EPB41L2: variants seen among roughly 807,000 people sequenced by gnomAD.
EPB41L2 encodes the protein erythrocyte membrane protein band 4.1 like 2.
In EPB41L2, 43 loss-of-function variants were observed where a neutral mutation model predicts 113.0. That is an observed-to-expected ratio of 0.38 (90% CI 0.30 to 0.49). The LOEUF is 0.49. Among genes scored for constraint, EPB41L2 ranks in the 20% least tolerant of loss-of-function variants. The pLI, the probability that EPB41L2 is intolerant of heterozygous loss-of-function variation, is 0.95. For synonymous variants in EPB41L2, 442 were observed against 436.7 expected (o/e 1.01, Z -0.15); for missense variants, 1,147 against 1,223.4 (o/e 0.94, Z 0.93).
chr6:131,043,349 T>C (rs1794802387), intron 1 of EPB41L2, among the ~76,000 whole-genome samples: 1 of 151,994 alleles, frequency 6.6e-6, no homozygotes, highest in South Asian at 2.1e-4. Flanking sequence ...CATCCTTACA[T>C]TTAGTATTTA....
At chr6:130,997,444 A>AG (rs149027873) in intron 1 of EPB41L2, among the ~76,000 whole-genome samples, 1,750 of 152,274 alleles carry the variant, frequency 0.011, 41 homozygotes, top group African/African-American at 0.041. Context: ...ATCTAAGTGC[A>AG]GGGGGGATCT....
At chr6:131,003,666 T>G (rs1221367399) in intron 1 of EPB41L2, among the ~76,000 whole-genome samples, 1 of 152,228 alleles carries the variant, frequency 6.6e-6, no homozygotes, top group Non-Finnish European at 1.5e-5. Context: ...TCTGGAACTG[T>G]ATGGTTTTCA....
chr6:131,035,649 ATT>A (rs1260143428), intron 1 of EPB41L2, among the ~76,000 whole-genome samples: 13 of 152,342 alleles, frequency 8.5e-5, no homozygotes, highest in African/African-American at 3.1e-4. Context: ...AATACAGGGT[ATT>A]GAGTCCAGTT....
intron 14 of EPB41L2, among the ~76,000 whole-genome samples, chr6:130,875,105 T>C (rs1476483514): frequency 6.6e-6 from 1 of 152,232 alleles, no homozygotes; most frequent in Non-Finnish European, 1.5e-5. Context: ...TCTGAAAATA[T>C]TTCATCTCAA....
At chr6:130,934,043 A>C (rs974586108) in intron 3 of EPB41L2, among the ~76,000 whole-genome samples, 2 of 152,236 alleles carry the variant, frequency 1.3e-5, no homozygotes, top group African/African-American at 4.8e-5. Context: ...GCAAATATAA[A>C]AGGCCAAGGA....
At chr6:130,955,368 T>G (rs1005375328) in intron 2 of EPB41L2, 51 bp from the exon 3 acceptor site, 1 of 1,537,232 alleles carries the variant, frequency 6.5e-7, no homozygotes, top group African/African-American at 1.4e-5. Context: ...ACCTTGCAGA[T>G]GACAACATAC....
At chr6:130,907,216 A>G (rs1339514721) in intron 5 of EPB41L2, among the ~76,000 whole-genome samples, 3 of 152,238 alleles carry the variant, frequency 2.0e-5, no homozygotes, top group African/African-American at 7.2e-5. Context: ...TTTCAGAGAA[A>G]GTGTAAGAAC....
At chr6:130,973,347 A>G (rs1348430186) in intron 1 of EPB41L2, among the ~76,000 whole-genome samples, 2 of 152,120 alleles carry the variant, frequency 1.3e-5, no homozygotes, top group Non-Finnish European at 2.9e-5. Flanking sequence ...ATTGGTTCAC[A>G]AAGGGGCAAT....
intron 4 of EPB41L2, among the ~76,000 whole-genome samples, chr6:130,915,030 G>A (rs955981148): frequency 4.6e-5 from 7 of 152,184 alleles, no homozygotes; most frequent in African/African-American, 9.6e-5. Context: ...CCGGCCGGGC[G>A]CGGTGGCTCA....
intron 15 of EPB41L2, 127 bp downstream of exon 15, chr6:130,869,436 T>G: frequency 2.2e-6 from 2 of 890,606 alleles, no homozygotes; most frequent in Non-Finnish European, 3.4e-6. Context: ...CTTCCTCCCA[T>G]GAGAGAGAAA....
At chr6:130,938,693 T>G (rs1421782362) in intron 3 of EPB41L2, among the ~76,000 whole-genome samples, 3 of 152,220 alleles carry the variant, frequency 2.0e-5, no homozygotes, top group African/African-American at 7.2e-5. Context: ...TTTATTTTTT[T>G]ACTTCTCTTG....
At chr6:130,870,292 T>C in intron 14 of EPB41L2, 166 bp from the exon 15 acceptor site, 1 of 1,550,150 alleles carries the variant, frequency 6.5e-7, no homozygotes, top group Non-Finnish European at 8.7e-7. Flanking sequence ...ATGAGAAACG[T>C]GAGGCAATGG....
chr6:130,867,996 T>TC (rs1451136097), intron 15 of EPB41L2: 4 of 172,000 alleles, frequency 2.3e-5, no homozygotes, highest in Non-Finnish European at 4.9e-5. Context: ...TCTCTCTCTC[T>TC]CTCCTCCTCC....
intron 11 of EPB41L2, among the ~76,000 whole-genome samples, chr6:130,889,767 C>T (rs1792169956): frequency 6.6e-6 from 1 of 152,160 alleles, no homozygotes. Context: ...ATCAGTAAAA[C>T]ATATGTGTCC....
chr6:131,060,386 A>G (rs1798423252), intron 1 of EPB41L2, among the ~76,000 whole-genome samples: 1 of 152,258 alleles, frequency 6.6e-6, no homozygotes, highest in Non-Finnish European at 1.5e-5. Context: ...GAGAAATTGT[A>G]CCAATAAATA....
At chr6:130,900,067 CAACTAAGTA>C in intron 7 of EPB41L2, among the ~76,000 whole-genome samples, 1 of 152,244 alleles carries the variant, frequency 6.6e-6, no homozygotes, top group African/African-American at 2.4e-5. Context: ...TCTATATACC[CAACTAAGTA>C]AACTTTAAGC....
intron 1 of EPB41L2, among the ~76,000 whole-genome samples, chr6:131,028,629 G>GA (rs962539657): frequency 6.6e-6 from 1 of 151,672 alleles, no homozygotes; most frequent in African/African-American, 2.4e-5. Flanking sequence ...ATCATCACAA[G>GA]AAAAAAAGAT....
intron 1 of EPB41L2, among the ~76,000 whole-genome samples, chr6:130,960,889 G>A (rs1051396665): frequency 5.3e-5 from 8 of 152,158 alleles, no homozygotes; most frequent in African/African-American, 1.4e-4. Flanking sequence ...AAAACTCCAT[G>A]AGGGCTGGGA....
chr6:130,936,707 A>G (rs1029653897), intron 3 of EPB41L2, among the ~76,000 whole-genome samples: 2 of 152,362 alleles, frequency 1.3e-5, no homozygotes, highest in East Asian at 1.9e-4. Context: ...TTTAAAATAT[A>G]ATAACAATTA....
Sources: allele counts gnomAD v4.1 joint callset (sites outside exome capture counted in the v4.1 genomes callset), GRCh38; gene constraint gnomAD v4.1.1; transcripts MANE v1.5; gene names NCBI Gene and HGNC (gene_info 2026-07-23, HGNC 2026-07-21).